ZNF318: variants seen among roughly 807,000 people sequenced by gnomAD.
ZNF318 encodes the protein endocrine regulator.
In ZNF318, 51 loss-of-function variants were observed where a neutral mutation model predicts 124.2. The ratio of observed to expected loss-of-function variants is 0.41; its 90% CI spans 0.33 to 0.52. The LOEUF is 0.52. Among genes scored for constraint, ZNF318 ranks in the 20% least tolerant of loss-of-function variants. ZNF318 has a pLI of 0.23. For missense variants in ZNF318, 2,815 were observed against 2,811.2 expected, an observed-to-expected ratio of 1.00 and a Z score of -0.03; for synonymous variants, 1,090 against 1,040.7, an observed-to-expected ratio of 1.05 and a Z score of -0.91.
chr6:43,368,627 G>T, intron 1 of ZNF318: 1 of 971,846 alleles, frequency 1.0e-6, no homozygotes, highest in Non-Finnish European at 1.2e-6. Context: ...GGAACCCCGA[G>T]GACACATCAA....
At position 43,367,047 on chromosome 6, in the gene ZNF318, T is replaced by C. The variant is rs562706286; in HGVS notation, c.400-1607A>G. ...TTGTATTTTTAGTAGAGACGGTGTTTCACCGTGTTAGCCAACATGGTCTCG... is the reference window on the plus strand; with the variant it reads ...TTGTATTTTTAGTAGAGACGGTGTTCCACCGTGTTAGCCAACATGGTCTCG... On this transcript the variant is annotated intron_variant, in intron 1 of 9. Coordinates refer to ENST00000361428, the MANE Select transcript of ZNF318 (RefSeq NM_014345.3). Among the ~76,000 whole-genome samples, 363 of 152,334 alleles carry C rather than the reference T, an allele frequency of 2.4e-3. 2 individuals are homozygous for C. The highest frequency in any genetic ancestry group is 4.4e-3 in the Admixed American group (67 of 15,298).
chr6:43,348,693 C>A (rs2150752007), intron 5 of ZNF318, 68 bp from the exon 6 acceptor site: 1 of 1,534,660 alleles, frequency 6.5e-7, no homozygotes, highest in South Asian at 1.2e-5. Flanking sequence ...CATTTACAAG[C>A]AATAATTTGT....
In ZNF318 at chr6:43,357,175, G is replaced by C. The variant is rs142956001; in HGVS notation, c.1139C>G (p.Ser380Cys). The C allele has an allele frequency of 1.2e-6, 2 of 1,614,114 alleles. No individual in the cohort carries two copies. Among genetic ancestry groups the C allele is most frequent in the Non-Finnish European group, 1.7e-6 (2 of 1,180,008 alleles). Residue 380 changes from serine (S) to cysteine (C), a missense_variant, in exon 3 of 10, where the codon TCC (serine) becomes TGC (cysteine). Coordinates refer to ENST00000361428, the MANE Select transcript of ZNF318 (RefSeq NM_014345.3). ...PEEVSVMPKK[S>C]ILKKRIEVDI... ...CACCTCAATCCGCTTCTTCAAAATG[G>C]ATTTCTTGGGCATCACAGATACTTC...
At position 43,355,348 on chromosome 6, in the gene ZNF318, G is replaced by C; in HGVS notation, c.1986C>G (p.His662Gln). Residue 662 changes from histidine to glutamine, a missense_variant, in exon 4 of 10, where the codon CAC (histidine) becomes CAG (glutamine). This residue lies in a region of ZNF318 where 1,377 missense variants were observed against 1,353.5 expected (regional missense o/e 1.02). Transcript: ENST00000361428. ...FSADRCSSVD[H>Q]CFSADRRSSD... is the part of the protein sequence containing the mutation. The stretch of plus-strand genomic sequence containing the variant: ...AGGAACGTCGATCAGCTGAGAAGCA[G>C]TGGTCAACTGAGGAACAGCGGTCAG... The C allele has an allele frequency of 6.2e-7, 1 of 1,614,198 alleles. No individual in the cohort carries two copies.
intron 4 of ZNF318, 101 bp downstream of exon 4, chr6:43,354,563 G>T: frequency 8.9e-7 from 1 of 1,124,994 alleles, no homozygotes; most frequent in Non-Finnish European, 1.3e-6. Flanking sequence ...ACGACTTCAA[G>T]TGAAAGAGCC....
rs759108958 is a variant in ZNF318 at position 43,355,303 on chromosome 6, C to T, written c.2031G>A (p.Glu677=). The T allele has an allele frequency of 1.9e-6, 3 of 1,614,168 alleles. No individual in the cohort carries two copies. Among genetic ancestry groups the T allele is most frequent in the Non-Finnish European group, 2.5e-6 (3 of 1,180,022 alleles). The change falls in exon 4 of 10, where the codon GAG becomes GAA. Residue 677 remains glutamate (E), a synonymous_variant. Coordinates refer to ENST00000361428, the MANE Select transcript of ZNF318 (RefSeq NM_014345.3). ...TATTGCTATGATGTGCCTCCCTGCT[C>T]TCTAGTCTGTGGGGATCTGAGGAAC... ...DRRSSDPHRL[E]SREAHHSNTH... is the part of the protein sequence containing the mutation.
At chr6:43,358,278 C>T (rs1044039156) in intron 2 of ZNF318, among the ~76,000 whole-genome samples, 13 of 152,066 alleles carry the variant, frequency 8.5e-5, no homozygotes, top group African/African-American at 2.9e-4. Context: ...GATGGAGTCT[C>T]GCTCTGTCAC....
Position 43,339,570 on chromosome 6 carries a change from T to C in ZNF318, c.4428A>G (p.Val1476=). The C allele has an allele frequency of 6.2e-7, 1 of 1,611,528 alleles. No homozygotes were observed. Among genetic ancestry groups the C allele is most frequent in the Non-Finnish European group, 8.5e-7 (1 of 1,179,564 alleles). The change falls in exon 10 of 10, where the codon GTA becomes GTG. Residue 1476 remains valine (V), a synonymous_variant. Transcript: ENST00000361428. The surrounding 1 kb of genome is among the most constrained non-coding windows in gnomAD (Gnocchi z 4.2). ...AAQANAILAP[V]KSNPVVSQTL... ...TCTGAGATACAACTGGGTTTGATTT[T>C]ACTGGAGCCAAGATAGCATTTGCTT...
At chr6:43,352,258 A>AGAGTACCTGAGAGTTCT in intron 5 of ZNF318, 119 bp downstream of exon 5, 1 of 742,334 alleles carries the variant, frequency 1.3e-6, no homozygotes, top group Non-Finnish European at 2.2e-6. Flanking sequence ...TGTAAGTTTA[A>AGAGTACCTGAGAGTTCT]TTACGTCAAA....
At chr6:43,343,910 GT>G (rs1779406508) in intron 6 of ZNF318, among the ~76,000 whole-genome samples, 1 of 150,368 alleles carries the variant, frequency 6.7e-6, no homozygotes, top group African/African-American at 2.4e-5. Flanking sequence ...TAATATTAAA[GT>G]TATCAACAGC....
intron 2 of ZNF318, among the ~76,000 whole-genome samples, 195 bp downstream of exon 2, chr6:43,365,097 C>G (rs546960110): frequency 1.3e-5 from 2 of 152,046 alleles, no homozygotes; most frequent in East Asian, 3.9e-4. Context: ...ACAATTTATT[C>G]AACAACAGAG....
intron 4 of ZNF318, among the ~76,000 whole-genome samples, chr6:43,352,742 A>T (rs1000940979): frequency 5.3e-5 from 8 of 152,254 alleles, no homozygotes; most frequent in African/African-American, 1.4e-4. Context: ...ACTATTAGAT[A>T]GTGGTTCTAA....
chr6:43,369,113 C>T lies in ZNF318; in HGVS notation c.253G>A (p.Ala85Thr). 8.0e-7 allele frequency: 1 copy of T among 1,244,762 alleles called. No individual in the cohort carries two copies. Among genetic ancestry groups the T allele is most frequent in the East Asian group, 3.2e-5 (1 of 31,638 alleles). The allele number at this position is 1,244,762 out of a possible 1,614,324, so 77.1% of individuals were successfully genotyped here. A position where few individuals can be genotyped will look rare whatever the true frequency, so the allele number is the denominator to read the frequency against. The part of the protein sequence containing the change: ...GRRVSPSPPR[A>T]RRGSPSPPRG... ...GGTGGCGACGGGGAGCCGCGACGGG[C>T]CCGAGGCGGGGACGGGGAGACGCGA... is the stretch of plus-strand genomic sequence containing the variant. The change falls in exon 1 of 10, where the codon GCC becomes ACC. Residue 85 changes from alanine to threonine, a missense_variant. Physicochemically the swap from Ala to Thr is moderately conservative, Grantham distance 58 (BLOSUM62 0). Transcript: ENST00000361428.
intron 2 of ZNF318, chr6:43,363,855 GGCCACTGCCACCT>G (rs1166781031): frequency 1.1e-6 from 1 of 874,916 alleles, no homozygotes; most frequent in African/African-American, 1.7e-5. Context: ...CCAAGGAGGT[GGCCACTGCCACCT>G]GCGGGGCCAT....
At position 43,356,121 on chromosome 6, in the gene ZNF318, T is replaced by C. The variant is rs371477521; in HGVS notation, c.1213A>G (p.Ser405Gly). The C allele has an allele frequency of 4.3e-6, 7 of 1,611,866 alleles. No homozygotes were observed. In the East Asian group the frequency reaches 1.6e-4, roughly 36 times the overall value. Residue 405 changes from serine to glycine, a missense_variant, in exon 4 of 10, where the codon AGC becomes GGC. Coordinates refer to ENST00000361428, the MANE Select transcript of ZNF318 (RefSeq NM_014345.3). Reference protein sequence around the residue: ...MQLESFSSSTSSSQDHPLYSG... With the variant: ...MQLESFSSSTGSSQDHPLYSG... ...TAGAGAGGGTGATCCTGGCTGGAGC[T>C]GGTACTGCTGGAAAAACTCTCAAGC...
chr6:43,356,586 AACTAGTGGTCTTTCC>A (rs1418313681), intron 3 of ZNF318, among the ~76,000 whole-genome samples: 1 of 152,162 alleles, frequency 6.6e-6, no homozygotes, highest in Non-Finnish European at 1.5e-5. Context: ...GACAGCTAAA[AACTAGTGGTCTTTCC>A]ACTAGTGGTC....
In ZNF318 at chr6:43,338,522, G is replaced by C. The variant is rs754979027; in HGVS notation, c.5476C>G (p.Pro1826Ala). Residue 1826 changes from proline to alanine, a missense_variant, in exon 10 of 10, where the codon CCC becomes GCC. Around this residue, in one of 4 missense-constraint regions of ZNF318, gnomAD observed 927 missense variants for 820.6 expected, o/e 1.13. Transcript: ENST00000361428. The stretch of plus-strand genomic sequence containing the variant: ...TCTTTGTCAATCATTAGCAAGTTGG[G>C]CTGTTTTACTTCTCCCTCCCACATG... ...RYMWEGEVKQ[P>A]NLLMIDKEAE... 2.5e-6 allele frequency: 4 copies of C among 1,614,026 alleles called. No individual in the cohort carries two copies. The highest frequency in any genetic ancestry group is 1.7e-5 in the Admixed American group (1 of 60,000).
chr6:43,365,388 G>C lies in ZNF318; in HGVS notation c.452C>G (p.Thr151Ser). 6.2e-7 allele frequency: 1 copy of C among 1,614,174 alleles called. No individual in the cohort carries two copies. The highest frequency in any genetic ancestry group is 8.5e-7 in the Non-Finnish European group (1 of 1,180,020). ...AACACAGAAGTGGTCATTGCCAACA[G>C]TGATCCTTAAGCTCTTTTCCAAAGA... ...SDSLEKSLRITVGNDHFCVST... is the reference protein window; with the variant it reads ...SDSLEKSLRISVGNDHFCVST... The change falls in exon 2 of 10, where the codon ACT becomes AGT. Residue 151 changes from threonine (T) to serine (S), a missense_variant. By Grantham distance (58) the Thr-to-Ser change is moderately conservative. Transcript: ENST00000361428.
chr6:43,341,174 T>C (rs1171066913), intron 8 of ZNF318, among the ~76,000 whole-genome samples: 1 of 152,184 alleles, frequency 6.6e-6, no homozygotes, highest in African/African-American at 2.4e-5. Flanking sequence ...TTAATTCCTG[T>C]TGCTGAGTCT....
Sources: gnomAD v4.1 joint callset for allele counts (sites outside exome capture counted in the v4.1 genomes callset) on GRCh38, gnomAD v4.1.1 for gene constraint, gnomAD v4.1.1 regional missense constraint, Gnocchi (gnomAD v3.1) non-coding constraint, MANE v1.5 for transcripts, NCBI Gene and HGNC (gene_info 2026-07-23, HGNC 2026-07-21) for gene names.